LARGE1: variants seen among roughly 807,000 people sequenced by gnomAD.
The protein encoded by LARGE1 is xylosyl- and glucuronyltransferase LARGE1.
Under a neutral mutation model 87.6 loss-of-function variants are expected in LARGE1, and 43 were observed. The observed-to-expected ratio is 0.49, with a 90% CI of 0.38 to 0.63. The LOEUF (loss-of-function observed/expected upper bound fraction) is 0.63, where lower values mean the gene tolerates loss of function less well. Among genes scored for constraint, LARGE1 ranks in the 30% least tolerant of loss-of-function variants. The pLI is 0.00. For missense variants in LARGE1, 802 were observed against 1,000.2 expected, an observed-to-expected ratio of 0.80 and a Z score of 2.67; for synonymous variants, 434 against 394.6, an observed-to-expected ratio of 1.10 and a Z score of -1.18.
chr22:33,696,845 T>C (rs8138219), intron 2 of LARGE1, among the ~76,000 whole-genome samples: 29,990 of 152,018 alleles, frequency 0.2, 3,042 homozygotes, highest in South Asian at 0.25. Context: ...CTAGGTATTA[T>C]ATTACATATG....
chr22:33,110,812 A>G, the LARGE1 span, among the ~76,000 whole-genome samples: 1 of 152,132 alleles, frequency 6.6e-6, no homozygotes, highest in Non-Finnish European at 1.5e-5. Flanking sequence ...GTAGTGGCAG[A>G]TTTGGTCATC....
chr22:33,136,663 G>A, the LARGE1 span, among the ~76,000 whole-genome samples: 2 of 152,178 alleles, frequency 1.3e-5, no homozygotes, highest in African/African-American at 2.4e-5. Context: ...GAGCAAGCAT[G>A]GGGGATTTAA....
chr22:33,420,643 C>T (rs1444548318), intron 7 of LARGE1, among the ~76,000 whole-genome samples: 1 of 152,216 alleles, frequency 6.6e-6, no homozygotes, highest in East Asian at 1.9e-4. Flanking sequence ...CCCACAATAA[C>T]CAGTAACCTC....
chr22:33,383,190 C>G (rs1476873351), intron 8 of LARGE1, among the ~76,000 whole-genome samples: 1 of 152,088 alleles, frequency 6.6e-6, no homozygotes, highest in Non-Finnish European at 1.5e-5. Flanking sequence ...AATGAGTGAT[C>G]CTGGTAGACT....
chr22:33,323,846 T>C (rs1361477035), intron 10 of LARGE1, among the ~76,000 whole-genome samples: 1 of 152,210 alleles, frequency 6.6e-6, no homozygotes, highest in Non-Finnish European at 1.5e-5. Flanking sequence ...GTTATGATTA[T>C]ATTATGTACC....
At chr22:33,798,093 C>T (rs1295066626) in intron 1 of LARGE1, among the ~76,000 whole-genome samples, 9 of 152,088 alleles carry the variant, frequency 5.9e-5, no homozygotes, top group East Asian at 3.9e-4. Flanking sequence ...GCCAACATGG[C>T]GAAAACCCGT....
chr22:33,682,726 G>A (rs941559030), intron 2 of LARGE1, among the ~76,000 whole-genome samples: 1 of 152,198 alleles, frequency 6.6e-6, no homozygotes, highest in South Asian at 2.1e-4. Flanking sequence ...CTGGCATAGA[G>A]TAAAAACTTG....
intron 11 of LARGE1, among the ~76,000 whole-genome samples, chr22:33,265,890 C>T (rs546234878): frequency 2.6e-5 from 4 of 151,200 alleles, no homozygotes; most frequent in South Asian, 2.1e-4. Context: ...AATGCAGAAT[C>T]GCAGGCAGCA....
At chr22:33,463,813 C>T (rs915473145) in intron 6 of LARGE1, among the ~76,000 whole-genome samples, 1 of 152,118 alleles carries the variant, frequency 6.6e-6, no homozygotes, top group African/African-American at 2.4e-5. Flanking sequence ...GCTAGGATTA[C>T]AGGTGCCTGC....
At chr22:33,216,560 C>T (rs1413385823) in intron 11 of LARGE1, among the ~76,000 whole-genome samples, 6 of 142,768 alleles carry the variant, frequency 4.2e-5, no homozygotes, top group Admixed American at 2.1e-4. Flanking sequence ...ACCCAGGAGG[C>T]GGAGCTTGCA....
chr22:33,348,289 C>A (rs372608990), intron 9 of LARGE1, among the ~76,000 whole-genome samples: 10,397 of 124,266 alleles, frequency 0.084, 213 homozygotes, highest in South Asian at 0.15. Context: ...CACCCCCCCC[C>A]AAAAAAAAAG....
intron 1 of LARGE1, among the ~76,000 whole-genome samples, chr22:33,846,591 C>G (rs1350893914): frequency 6.6e-6 from 1 of 152,192 alleles, no homozygotes. Context: ...TGGAACAGAG[C>G]CATATTTCTC....
intron 2 of LARGE1, among the ~76,000 whole-genome samples, chr22:33,729,884 T>C (rs2083397758): frequency 6.6e-6 from 1 of 152,194 alleles, no homozygotes; most frequent in Admixed American, 6.5e-5. Flanking sequence ...ATCAAGTATT[T>C]ATGGAGGACC....
At chr22:33,846,574 AG>A (rs2063436944) in intron 1 of LARGE1, among the ~76,000 whole-genome samples, 1 of 152,236 alleles carries the variant, frequency 6.6e-6, no homozygotes, top group Non-Finnish European at 1.5e-5. Flanking sequence ...ACCAACGGTG[AG>A]CCAGGTGGAA....
chr22:33,415,211 G>A (rs976447671), intron 7 of LARGE1, among the ~76,000 whole-genome samples: 1 of 152,188 alleles, frequency 6.6e-6, no homozygotes, highest in African/African-American at 2.4e-5. Flanking sequence ...CTCAGGTGGA[G>A]GCGTTGTTTT....
chr22:33,778,989 C>T (rs947064378), intron 1 of LARGE1, among the ~76,000 whole-genome samples: 23 of 152,094 alleles, frequency 1.5e-4, no homozygotes, highest in African/African-American at 5.1e-4. Context: ...GTCCATTGCA[C>T]GGAGAGGCCA....
At chr22:33,270,279 T>C (rs1421580656), downstream of LARGE1, among the ~76,000 whole-genome samples, 1 of 150,820 alleles carries the variant, frequency 6.6e-6, no homozygotes, top group Admixed American at 6.6e-5. Flanking sequence ...TAAACTTGAA[T>C]GGCACTAAGC....
intron 2 of LARGE1, among the ~76,000 whole-genome samples, chr22:33,738,108 G>C (rs1343198054): frequency 6.6e-6 from 1 of 152,150 alleles, no homozygotes. Flanking sequence ...TGTATTTCAG[G>C]TAATCGAATT....
At chr22:33,103,208 C>T in the LARGE1 span, among the ~76,000 whole-genome samples, 63 of 151,946 alleles carry the variant, frequency 4.1e-4, no homozygotes, top group African/African-American at 1.3e-3. Context: ...CCGAGACGGG[C>T]GGATCCCGAG....
Sources: gnomAD v4.1 joint callset for allele counts (sites outside exome capture counted in the v4.1 genomes callset) on GRCh38, gnomAD v4.1.1 for gene constraint, MANE v1.5 for transcripts, NCBI Gene and HGNC (gene_info 2026-07-23, HGNC 2026-07-21) for gene names.